CNTNAP2: variants seen among roughly 807,000 people sequenced by gnomAD.
CNTNAP2 encodes the protein contactin-associated protein-like 2.
In CNTNAP2, 98 loss-of-function variants were observed where a neutral mutation model predicts 155.2. That is an observed-to-expected ratio of 0.63 (90% confidence interval 0.54 to 0.75). CNTNAP2 has a LOEUF of 0.75. CNTNAP2 is among the 30% of genes least tolerant of loss of function. CNTNAP2 has a pLI of 0.00. For missense variants in CNTNAP2, 1,727 were observed against 1,688.1 expected, an observed-to-expected ratio of 1.02 and a Z score of -0.40; for synonymous variants, 651 against 631.2, an observed-to-expected ratio of 1.03 and a Z score of -0.47.
intron 8 of CNTNAP2, among the ~76,000 whole-genome samples, chr7:147,282,664 T>C (rs1026832695): frequency 3.9e-4 from 60 of 151,938 alleles, no homozygotes; most frequent in African/African-American, 1.4e-3. Context: ...CTTAATTTTA[T>C]ATTATGTATC....
At chr7:148,133,104 T>C (rs781510316) in intron 16 of CNTNAP2, among the ~76,000 whole-genome samples, 3 of 152,064 alleles carry the variant, frequency 2.0e-5, no homozygotes, top group Admixed American at 2.0e-4. Flanking sequence ...TAATCTTCTT[T>C]AAAAATAAGA....
At chr7:148,193,913 G>A (rs998102197) in intron 18 of CNTNAP2, among the ~76,000 whole-genome samples, 6 of 149,238 alleles carry the variant, frequency 4.0e-5, no homozygotes, top group Admixed American at 1.3e-4. Context: ...AATCCTTCCC[G>A]TTTCCTTCTG....
intron 12 of CNTNAP2, among the ~76,000 whole-genome samples, chr7:147,603,874 A>C (rs1469053505): frequency 2.6e-5 from 4 of 152,108 alleles, no homozygotes; most frequent in African/African-American, 7.2e-5. Flanking sequence ...TAAAACAGAG[A>C]TATAGATCAA....
intron 12 of CNTNAP2, among the ~76,000 whole-genome samples, chr7:147,608,782 G>C (rs142022056): frequency 1.3e-5 from 2 of 152,134 alleles, no homozygotes; most frequent in African/African-American, 4.8e-5. Context: ...TTTCACCCGG[G>C]TGCAGGCGGG....
At chr7:146,783,874 G>A (rs1460071103) in intron 2 of CNTNAP2, among the ~76,000 whole-genome samples, 1 of 152,138 alleles carries the variant, frequency 6.6e-6, no homozygotes, top group Non-Finnish European at 1.5e-5. Flanking sequence ...CATCTTTAAG[G>A]CCAGCAGAAT....
chr7:147,564,068 C>T (rs1800118558), intron 12 of CNTNAP2, among the ~76,000 whole-genome samples: 1 of 152,070 alleles, frequency 6.6e-6, no homozygotes, highest in Non-Finnish European at 1.5e-5. Context: ...ACTTGGGTGG[C>T]TCATGTGGAA....
intron 10 of CNTNAP2, among the ~76,000 whole-genome samples, chr7:147,455,870 G>A (rs1029418128): frequency 3.9e-5 from 6 of 152,052 alleles, no homozygotes; most frequent in Non-Finnish European, 8.8e-5. Context: ...TTCAACACTA[G>A]GAAGTCTAAT....
chr7:147,916,122 G>C (rs1016920151), intron 14 of CNTNAP2, among the ~76,000 whole-genome samples: 1 of 152,206 alleles, frequency 6.6e-6, no homozygotes, highest in Non-Finnish European at 1.5e-5. Context: ...GTTCCAGATA[G>C]CTCAAATTGC....
intron 13 of CNTNAP2, among the ~76,000 whole-genome samples, chr7:147,765,195 A>T (rs1797365122): frequency 6.6e-6 from 1 of 152,156 alleles, no homozygotes; most frequent in Non-Finnish European, 1.5e-5. Context: ...AACACCTATG[A>T]TATTTTATCA....
chr7:146,828,608 T>G (rs928529458), intron 2 of CNTNAP2, among the ~76,000 whole-genome samples: 29 of 152,058 alleles, frequency 1.9e-4, no homozygotes, highest in African/African-American at 7.0e-4. Flanking sequence ...AGAAAAAGTT[T>G]AATTTAGAAA....
intron 8 of CNTNAP2, among the ~76,000 whole-genome samples, chr7:147,217,601 G>T (rs1039540996): frequency 3.3e-5 from 5 of 151,846 alleles, no homozygotes; most frequent in Non-Finnish European, 5.9e-5. Flanking sequence ...GGAGGTATTG[G>T]TCATAGTTTT....
chr7:147,176,555 CTT>C (rs1802341792), intron 8 of CNTNAP2, among the ~76,000 whole-genome samples: 1 of 148,368 alleles, frequency 6.7e-6, no homozygotes, highest in Non-Finnish European at 1.5e-5. Flanking sequence ...CCCAGAATGC[CTT>C]TTACTAGTTT....
intron 14 of CNTNAP2, among the ~76,000 whole-genome samples, chr7:147,948,072 A>AT (rs1205496798): frequency 6.6e-6 from 1 of 151,788 alleles, no homozygotes; most frequent in East Asian, 1.9e-4. Context: ...AAAATTAATT[A>AT]TTTTCAAAGC....
Position 148,007,861 on chromosome 7 carries a change from A to G in CNTNAP2, c.2383+29872A>G, listed in dbSNP as rs150037403. Among the ~76,000 whole-genome samples, 290 of 152,292 alleles carry G rather than the reference A, an allele frequency of 1.9e-3. 2 individuals are homozygous for G. The highest frequency in any genetic ancestry group is 6.4e-3 in the African/African-American group (266 of 41,568). Reference sequence around the variant, plus strand: ...TTATGCAAGGAACTTCAACTCTTCTATGGCTCCTGGCCTAAAAAGGTATCT... The same window carrying G: ...TTATGCAAGGAACTTCAACTCTTCTGTGGCTCCTGGCCTAAAAAGGTATCT... On this transcript the variant is annotated intron_variant, in intron 15 of 23. Transcript: ENST00000361727.
At chr7:146,706,243 A>G (rs866991980) in intron 1 of CNTNAP2, among the ~76,000 whole-genome samples, 1 of 152,166 alleles carries the variant, frequency 6.6e-6, no homozygotes, top group African/African-American at 2.4e-5. Flanking sequence ...GTGTGTTCTC[A>G]TGGATTCTCA....
At chr7:148,118,064 G>T in intron 15 of CNTNAP2, 54 bp from the exon 16 acceptor site, 3 of 1,589,718 alleles carry the variant, frequency 1.9e-6, no homozygotes, top group East Asian at 2.2e-5. Flanking sequence ...TCTGTTACAT[G>T]ACTAGGCTGA....
chr7:146,549,126 C>T (rs184619055), intron 1 of CNTNAP2, among the ~76,000 whole-genome samples: 1 of 151,554 alleles, frequency 6.6e-6, no homozygotes, highest in African/African-American at 2.4e-5. Context: ...TATCTTTACC[C>T]AATTTCCTAT....
At chr7:147,899,900 A>AG (rs1350916120) in intron 13 of CNTNAP2, among the ~76,000 whole-genome samples, 20 of 146,618 alleles carry the variant, frequency 1.4e-4, no homozygotes, top group South Asian at 4.5e-4. Flanking sequence ...CTCAAAAAAA[A>AG]AAAAAGAAAG....
chr7:146,969,395 A>G (rs998212608), intron 3 of CNTNAP2, among the ~76,000 whole-genome samples: 51 of 152,090 alleles, frequency 3.4e-4, no homozygotes, highest in African/African-American at 8.4e-4. Flanking sequence ...TGATCTGTCT[A>G]ATGTTGACAG....
Sources: allele counts gnomAD v4.1 joint callset (sites outside exome capture counted in the v4.1 genomes callset), GRCh38; gene constraint gnomAD v4.1.1; transcripts MANE v1.5; gene names NCBI Gene and HGNC (gene_info 2026-07-23, HGNC 2026-07-21).